Variants in NUS1 observed in about 807,000 individuals in gnomAD.
The protein encoded by NUS1 is NUS1 dehydrodolichyl diphosphate synthase subunit, also known as dehydrodolichyl diphosphate synthase complex subunit NUS1.
For missense variants in NUS1, 292 were observed against 382.9 expected (o/e 0.76, Z 1.98); for synonymous variants, 135 against 155.2 (o/e 0.87, Z 0.97).
chr6:117,679,871 T>C (rs575083903), intron 1 of NUS1, among the ~76,000 whole-genome samples: 105 of 152,214 alleles, frequency 6.9e-4, no homozygotes, highest in Non-Finnish European at 1.3e-3. Context: ...AGAAATGGAC[T>C]TCACCTCTCA....
intron 3 of NUS1, among the ~76,000 whole-genome samples, chr6:117,700,172 C>G (rs770004429): frequency 9.2e-5 from 14 of 152,088 alleles, no homozygotes; most frequent in Non-Finnish European, 1.9e-4. Context: ...AGCTCCTGCA[C>G]AGCAAAGGAA....
At chr6:117,703,360 TAATC>T (rs996979530) in intron 3 of NUS1, among the ~76,000 whole-genome samples, 6 of 152,284 alleles carry the variant, frequency 3.9e-5, no homozygotes, top group African/African-American at 1.2e-4. Context: ...TCTTATCAGG[TAATC>T]AATCAAGTTA....
chr6:117,706,497 C>T lies in NUS1; in HGVS notation c.792-428C>T, dbSNP rs139846554. Among the ~76,000 whole-genome samples, 284 of 152,278 alleles carry T rather than the reference C, an allele frequency of 1.9e-3. 1 individual carries two copies. Among genetic ancestry groups the T allele is most frequent in the African/African-American group, 6.3e-3 (263 of 41,542 alleles). Reference sequence around the variant, plus strand: ...GTTATGAATCTCTCATTACTAGTTGCTTTTCTTGTGGAAAAAGAGGCATAT... The same window carrying T: ...GTTATGAATCTCTCATTACTAGTTGTTTTTCTTGTGGAAAAAGAGGCATAT... On this transcript the variant is annotated intron_variant, in intron 4 of 4. Transcript: ENST00000368494.
chr6:117,693,798 G>C (rs1773277866), intron 2 of NUS1, among the ~76,000 whole-genome samples: 1 of 152,160 alleles, frequency 6.6e-6, no homozygotes, highest in African/African-American at 2.4e-5. Context: ...TGAACACTTT[G>C]AAAAGAAGGC....
intron 1 of NUS1, among the ~76,000 whole-genome samples, chr6:117,678,709 C>CTCGCT (rs1773019427): frequency 8.1e-6 from 1 of 122,804 alleles, no homozygotes; most frequent in Non-Finnish European, 1.6e-5. Context: ...GAGACGGAGT[C>CTCGCT]TCGCTCTGTC....
chr6:117,687,168 T>C (rs879633230), intron 1 of NUS1, among the ~76,000 whole-genome samples: 6 of 152,196 alleles, frequency 3.9e-5, no homozygotes, highest in Admixed American at 2.0e-4. Flanking sequence ...ATTCTTTCCT[T>C]TTAGTGGAAC....
chr6:117,705,025 G>C (rs752271704), intron 4 of NUS1, among the ~76,000 whole-genome samples: 2 of 152,082 alleles, frequency 1.3e-5, no homozygotes, highest in African/African-American at 4.8e-5. Flanking sequence ...TGTATGAAGG[G>C]GTCTTTTAAG....
chr6:117,686,341 T>A (rs956831628), intron 1 of NUS1, among the ~76,000 whole-genome samples: 2 of 152,212 alleles, frequency 1.3e-5, no homozygotes, highest in African/African-American at 4.8e-5. Flanking sequence ...TTTATAAAAT[T>A]CAACTTTTTT....
At chr6:117,703,459 AC>A in intron 3 of NUS1, 145 bp from the exon 4 acceptor site, 1 of 646,342 alleles carries the variant, frequency 1.5e-6, no homozygotes, top group Non-Finnish European at 2.8e-6. Flanking sequence ...GGGCATGGAG[AC>A]ATACAGATAA....
chr6:117,686,975 G>T (rs1050511346), intron 1 of NUS1, among the ~76,000 whole-genome samples: 12 of 151,522 alleles, frequency 7.9e-5, no homozygotes, highest in African/African-American at 2.7e-4. Context: ...TCTGGGTGGG[G>T]GTCAAGTTAT....
intron 1 of NUS1, among the ~76,000 whole-genome samples, chr6:117,688,240 A>G (rs956307365): frequency 1.3e-5 from 2 of 152,170 alleles, no homozygotes; most frequent in Non-Finnish European, 2.9e-5. Flanking sequence ...GTGTGTGTAT[A>G]TATAATAAAG....
In NUS1 at chr6:117,702,534, G is replaced by A. The variant is rs190078162; in HGVS notation, c.692-1071G>A. Among the ~76,000 whole-genome samples, 277 of 152,166 alleles carry A rather than the reference G, an allele frequency of 1.8e-3. 1 individual carries two copies. Among genetic ancestry groups the A allele is most frequent in the African/African-American group, 6.3e-3 (261 of 41,492 alleles). Reference sequence around the variant, plus strand: ...GGTCAGTATCTAGTGTTCTTGAATGGTTGGTTTTGTCCAATTTAACATGTT... The same window carrying A: ...GGTCAGTATCTAGTGTTCTTGAATGATTGGTTTTGTCCAATTTAACATGTT... On this transcript the variant is annotated intron_variant, in intron 3 of 4. Coordinates refer to ENST00000368494, the MANE Select transcript of NUS1 (RefSeq NM_138459.5).
chr6:117,698,204 G>A (rs906851067), intron 3 of NUS1, among the ~76,000 whole-genome samples: 2 of 152,036 alleles, frequency 1.3e-5, no homozygotes, highest in Non-Finnish European at 2.9e-5. Context: ...GAATGAATTT[G>A]AAATGAAAAA....
rs548470406 is a variant in NUS1 at position 117,694,657 on chromosome 6, A to G, written c.691+477A>G. Reference sequence around the variant, plus strand: ...AACTGTATTTGTCATGTTATACCAAATATAACTTTTTTTCTTCAGCTGTTT... The same window carrying G: ...AACTGTATTTGTCATGTTATACCAAGTATAACTTTTTTTCTTCAGCTGTTT... On this transcript the variant is annotated intron_variant, in intron 3 of 4. Transcript: ENST00000368494. Among the ~76,000 whole-genome samples the G allele has an allele frequency of 1.1e-3, 169 of 152,048 alleles. 1 individual carries two copies. The highest frequency in any genetic ancestry group is 2.1e-3 in the Non-Finnish European group (140 of 68,014).
intron 1 of NUS1, among the ~76,000 whole-genome samples, chr6:117,686,807 GC>G (rs1455043829): frequency 6.6e-6 from 1 of 151,452 alleles, no homozygotes; most frequent in East Asian, 1.9e-4. Flanking sequence ...TTTAGTCAAA[GC>G]CAACCTTATG....
intron 1 of NUS1, among the ~76,000 whole-genome samples, chr6:117,677,461 GA>G (rs1424224831): frequency 6.6e-6 from 1 of 151,758 alleles, no homozygotes; most frequent in Non-Finnish European, 1.5e-5. Context: ...AAAGATGTGA[GA>G]AGAATGATTT....
intron 1 of NUS1, among the ~76,000 whole-genome samples, chr6:117,686,787 A>T (rs540636476): frequency 6.6e-6 from 1 of 151,700 alleles, no homozygotes; most frequent in African/African-American, 2.4e-5. Flanking sequence ...TTACTAGAGG[A>T]ATTGCCTGTT....
At chr6:117,684,157 A>G (rs1396248364) in intron 1 of NUS1, among the ~76,000 whole-genome samples, 1 of 152,208 alleles carries the variant, frequency 6.6e-6, no homozygotes, top group African/African-American at 2.4e-5. Context: ...AGTGTAGTCA[A>G]AAATGGCCAT....
At chr6:117,689,539 A>ATT (rs144236554) in intron 1 of NUS1, among the ~76,000 whole-genome samples, 2 of 149,796 alleles carry the variant, frequency 1.3e-5, no homozygotes, top group African/African-American at 4.9e-5. Context: ...GAGATTTTAC[A>ATT]TTTTTTTTTG....
Sources: gnomAD v4.1 joint callset for allele counts (sites outside exome capture counted in the v4.1 genomes callset) on GRCh38, gnomAD v4.1.1 for gene constraint, MANE v1.5 for transcripts, NCBI Gene and HGNC (gene_info 2026-07-23, HGNC 2026-07-21) for gene names.